Variants in CTTNBP2 observed in about 807,000 individuals in gnomAD.
The protein encoded by CTTNBP2 is cortactin-binding protein 2.
A neutral mutation model predicts 156.9 loss-of-function variants in CTTNBP2; 108 were observed. The observed-to-expected ratio is 0.69, with a 90% CI of 0.59 to 0.81. CTTNBP2 has a LOEUF of 0.81. CTTNBP2 is among the 30% of genes least tolerant of loss of function. CTTNBP2 has a pLI of 0.00. For synonymous variants in CTTNBP2, 767 were observed against 751.8 expected (o/e 1.02, Z -0.33); for missense variants, 1,924 against 2,035.4 (o/e 0.95, Z 1.05).
At position 117,791,771 on chromosome 7, in the gene CTTNBP2, C is replaced by G. The variant is rs147337155; in HGVS notation, c.1425G>C (p.Ser475=). Residue 475 remains serine (S), a synonymous_variant, in exon 4 of 23, where the codon TCG becomes TCC. Transcript: ENST00000160373. ...TTQSPPSRDV[S]PTSRDNLVAK... ...CCACTAGGTTGTCACGACTTGTAGG[C>G]GAGACATCTCTTGACGGAGGACTTT... 3.7e-6 allele frequency: 6 copies of G among 1,614,170 alleles called. No individual in the cohort carries two copies. The South Asian group carries it at 6.6e-5, about 18-fold the overall frequency.
intron 22 of CTTNBP2, 78 bp from the exon 23 acceptor site, chr7:117,711,860 C>T: frequency 7.1e-7 from 1 of 1,400,586 alleles, no homozygotes; most frequent in South Asian, 1.4e-5. Context: ...CCTCTTTGAG[C>T]AAATGTACAG....
chr7:117,814,784 T>C (rs1018383970), intron 2 of CTTNBP2, among the ~76,000 whole-genome samples: 5 of 152,228 alleles, frequency 3.3e-5, no homozygotes. Context: ...CTTTACGAAG[T>C]ATAAAATATG....
chr7:117,728,538 A>C (rs1056552701), intron 16 of CTTNBP2, among the ~76,000 whole-genome samples: 2 of 152,206 alleles, frequency 1.3e-5, no homozygotes, highest in Non-Finnish European at 2.9e-5. Flanking sequence ...CTGAGGCAGG[A>C]AGAAAAAATA....
chr7:117,719,166 A>G (rs1404251634), intron 21 of CTTNBP2, among the ~76,000 whole-genome samples: 1 of 152,146 alleles, frequency 6.6e-6, no homozygotes, highest in African/African-American at 2.4e-5. Context: ...CCGCCACTGC[A>G]CTCCAGTCTG....
chr7:117,825,278 C>G (rs561093626), intron 2 of CTTNBP2, among the ~76,000 whole-genome samples: 2 of 152,324 alleles, frequency 1.3e-5, no homozygotes, highest in South Asian at 4.1e-4. Flanking sequence ...AAAAGTCTCT[C>G]ATCGTCTGTC....
intron 12 of CTTNBP2, among the ~76,000 whole-genome samples, chr7:117,752,587 T>C (rs531470412): frequency 6.6e-6 from 1 of 152,290 alleles, no homozygotes; most frequent in East Asian, 1.9e-4. Flanking sequence ...AGAATCCTGA[T>C]TTAAAGTCTT....
chr7:117,768,672 C>A (rs1337135820), intron 8 of CTTNBP2, among the ~76,000 whole-genome samples: 1 of 151,788 alleles, frequency 6.6e-6, no homozygotes, highest in Admixed American at 6.6e-5. Flanking sequence ...GTGGAAGGAG[C>A]ACTTCGGAAG....
At chr7:117,732,894 T>C (rs1228154842) in intron 16 of CTTNBP2, among the ~76,000 whole-genome samples, 1 of 152,176 alleles carries the variant, frequency 6.6e-6, no homozygotes, top group Non-Finnish European at 1.5e-5. Context: ...TTGGGATCTG[T>C]TACAATTTTC....
chr7:117,720,202 C>A (rs1238631744), intron 20 of CTTNBP2, among the ~76,000 whole-genome samples: 6 of 152,104 alleles, frequency 3.9e-5, no homozygotes, highest in Non-Finnish European at 2.9e-5. Context: ...TCTTTACCCT[C>A]CCCTCTTCTG....
Position 117,711,214 on chromosome 7 carries a change from T to A in CTTNBP2, c.*323A>T, listed in dbSNP as rs537192284. The A allele has an allele frequency of 2.9e-5, 6 of 210,340 alleles. No individual in the cohort carries two copies. In the South Asian group the frequency reaches 4.9e-4, roughly 17 times the overall value. 13.0% of individuals were successfully genotyped at this position (210,340 alleles called of 1,614,324 possible). On this transcript the variant is annotated 3_prime_UTR_variant, in exon 23 of 23. Coordinates refer to ENST00000160373, the MANE Select transcript of CTTNBP2 (RefSeq NM_033427.3). ...TTAAATATACATACATATATACATA[T>A]ATACAGATATACAGTACACAGTTCT...
intron 3 of CTTNBP2, among the ~76,000 whole-genome samples, chr7:117,797,176 C>T (rs1799367686): frequency 6.6e-6 from 1 of 152,120 alleles, no homozygotes; most frequent in Non-Finnish European, 1.5e-5. Context: ...CCACGGTTTA[C>T]CAGCATCCTT....
intron 2 of CTTNBP2, among the ~76,000 whole-genome samples, chr7:117,811,494 G>A (rs1381698201): frequency 6.6e-6 from 1 of 152,038 alleles, no homozygotes; most frequent in African/African-American, 2.4e-5. Context: ...ATTAAGATGG[G>A]ATCTCACTTT....
chr7:117,859,151 T>C (rs1803538610), intron 2 of CTTNBP2, among the ~76,000 whole-genome samples: 1 of 152,194 alleles, frequency 6.6e-6, no homozygotes, highest in African/African-American at 2.4e-5. Context: ...TAAATTTCAT[T>C]GCAGGATAGT....
Position 117,741,419 on chromosome 7 carries a change from A to G in CTTNBP2, c.3535+4412T>C, listed in dbSNP as rs10248995. On this transcript the variant is annotated intron_variant, in intron 14 of 22. Transcript: ENST00000160373. The stretch of plus-strand genomic sequence containing the variant: ...AAGATATTGATACTTACAAGTTACT[A>G]AGCTACATACAGAATAAAAATCCTT... Among the ~76,000 whole-genome samples, 1,403 of 152,366 alleles carry G rather than the reference A, an allele frequency of 9.2e-3. 24 individuals are homozygous for G. Among genetic ancestry groups the G allele is most frequent in the African/African-American group, 0.031 (1,300 of 41,578 alleles).
intron 8 of CTTNBP2, among the ~76,000 whole-genome samples, chr7:117,772,510 A>G (rs929561458): frequency 6.6e-6 from 1 of 152,170 alleles, no homozygotes; most frequent in Non-Finnish European, 1.5e-5. Flanking sequence ...GTGGAAGCAA[A>G]AATGAATGTG....
At chr7:117,861,988 G>A (rs1409403768) in intron 1 of CTTNBP2, among the ~76,000 whole-genome samples, 1 of 151,950 alleles carries the variant, frequency 6.6e-6, no homozygotes, top group African/African-American at 2.4e-5. Context: ...AATCCACCGA[G>A]CCAGGAAGTA....
intron 14 of CTTNBP2, 31 bp downstream of exon 14, chr7:117,745,800 T>C: frequency 7.0e-7 from 1 of 1,430,140 alleles, no homozygotes; most frequent in South Asian, 1.1e-5. Context: ...GCCTTTAGGT[T>C]ATCACAGGCA....
intron 11 of CTTNBP2, among the ~76,000 whole-genome samples, chr7:117,757,020 C>T (rs536164787): frequency 1.3e-5 from 2 of 152,280 alleles, no homozygotes; most frequent in East Asian, 3.9e-4. Flanking sequence ...TTGCAATCCT[C>T]AGAAAGCTTT....
chr7:117,835,065 T>C (rs1584515112), intron 2 of CTTNBP2, among the ~76,000 whole-genome samples: 1 of 152,330 alleles, frequency 6.6e-6, no homozygotes, highest in African/African-American at 2.4e-5. Context: ...CAGCTTGCAG[T>C]GCACACCTCC....
Sources: gnomAD v4.1 joint callset for allele counts (sites outside exome capture counted in the v4.1 genomes callset) on GRCh38, gnomAD v4.1.1 for gene constraint, MANE v1.5 for transcripts, NCBI Gene and HGNC (gene_info 2026-07-23, HGNC 2026-07-21) for gene names.